Variants in A2ML1 observed in about 807,000 individuals in gnomAD.
A2ML1 encodes alpha-2-macroglobulin-like protein 1.
Under a neutral mutation model 181.9 loss-of-function variants are expected in A2ML1, and 161 were observed. The observed-to-expected ratio is 0.89, with a 90% CI of 0.78 to 1.01. A2ML1 has a LOEUF of 1.01. Ranked by LOEUF, A2ML1 falls within the 50% of genes least tolerant of loss-of-function variation. A2ML1 has a pLI of 0.00. For synonymous variants in A2ML1, 663 were observed against 666.8 expected (o/e 0.99, Z 0.09); for missense variants, 1,670 against 1,768.1 (o/e 0.94, Z 1.00).
At chr12:8,850,464 TTGGAAGGCTGAGG>T (rs1273073226) in intron 18 of A2ML1, among the ~76,000 whole-genome samples, 190 bp downstream of exon 18, 1 of 152,068 alleles carries the variant, frequency 6.6e-6, no homozygotes, top group Admixed American at 6.6e-5. Context: ...TGTGTCCTAC[TTGGAAGGCTGAGG>T]TGGAAGGATC....
intron 29 of A2ML1, among the ~76,000 whole-genome samples, chr12:8,866,388 C>T (rs1339685199): frequency 1.4e-5 from 2 of 146,934 alleles, no homozygotes; most frequent in Non-Finnish European, 3.0e-5. Flanking sequence ...TTATATGGTA[C>T]TATGCCTCCC....
chr12:8,873,514 T>C (rs1944698493), intron 33 of A2ML1, among the ~76,000 whole-genome samples: 1 of 152,128 alleles, frequency 6.6e-6, no homozygotes, highest in Admixed American at 6.6e-5. Context: ...ATGAAAACAA[T>C]AGATATGATA....
intron 2 of A2ML1, 74 bp from the exon 3 acceptor site, chr12:8,823,646 C>T: frequency 6.6e-7 from 1 of 1,506,770 alleles, no homozygotes; most frequent in Non-Finnish European, 9.0e-7. Flanking sequence ...CTTTAACTCA[C>T]TGTTGGGTTG....
intron 23 of A2ML1, among the ~76,000 whole-genome samples, chr12:8,856,437 A>G (rs1374906893): frequency 6.6e-6 from 1 of 152,218 alleles, no homozygotes; most frequent in East Asian, 1.9e-4. Flanking sequence ...GGACACATTT[A>G]TAGATTGAAT....
At position 8,875,119 on chromosome 12, in the gene A2ML1, C is replaced by T. The variant is rs11047727; in HGVS notation, c.*1+107C>T. On this transcript the variant is annotated intron_variant, in intron 35 of 35. Transcript: ENST00000299698. ...TGTCTTTTTTTGAGATAGAGTCTCG[C>T]GGTGTTGCCCAGGCTGGAGGGCAGT... The T allele has an allele frequency of 2.3e-3, 2,835 of 1,254,326 alleles. 48 individuals are homozygous for T. In the African/African-American group the frequency reaches 0.035, roughly 16 times the overall value. 77.7% of individuals were successfully genotyped at this position (1,254,326 alleles called of 1,614,324 possible).
intron 8 of A2ML1, 53 bp downstream of exon 8, chr12:8,837,619 C>T (rs916463805): frequency 3.2e-6 from 5 of 1,554,598 alleles, no homozygotes; most frequent in Admixed American, 1.8e-5. Context: ...CGGTGGCTCA[C>T]GCCTGTCATC....
At chr12:8,857,426 C>T in intron 24 of A2ML1, 81 bp from the exon 25 acceptor site, 3 of 1,607,424 alleles carry the variant, frequency 1.9e-6, no homozygotes, top group East Asian at 2.2e-5. Context: ...TCCAGCCCCT[C>T]AAGTGTCCCA....
intron 21 of A2ML1, 56 bp downstream of exon 21, chr12:8,854,305 G>A (rs759287868): frequency 8.5e-6 from 13 of 1,524,836 alleles, no homozygotes; most frequent in Admixed American, 2.0e-5. Context: ...TCAGCATCTC[G>A]TCTTGCTGTG....
rs1438697642 is a variant in A2ML1 at position 8,868,225 on chromosome 12, A to G, written c.3934-5A>G. On this transcript the variant is annotated splice_region_variant and splice_polypyrimidine_tract_variant and intron_variant, in intron 30 of 35. Coordinates refer to ENST00000299698, the MANE Select transcript of A2ML1 (RefSeq NM_144670.6). ...CTGATTTGGCTACCTATTTCTTCCTACCAGACGGTGTTGAGATACAATATT... is the reference window on the plus strand; with the variant it reads ...CTGATTTGGCTACCTATTTCTTCCTGCCAGACGGTGTTGAGATACAATATT... The G allele has an allele frequency of 3.7e-6, 6 of 1,613,916 alleles. No homozygotes were observed. In the East Asian group the frequency reaches 8.9e-5, roughly 24 times the overall value.
rs937615221 is a variant in A2ML1, at chr12:8,876,676, A to C, written c.*620A>C. ...CAATGAGGCAAGACCCTGTCTCAAA[A>C]AATAATAAATAATAATAATAATAAT... On this transcript the variant is annotated 3_prime_UTR_variant, in exon 36 of 36. Coordinates refer to ENST00000299698, the MANE Select transcript of A2ML1 (RefSeq NM_144670.6). 3 of 152,172 alleles carry C rather than the reference A, an allele frequency of 2.0e-5. No individual in the cohort carries two copies. Among genetic ancestry groups the C allele is most frequent in the Non-Finnish European group, 2.9e-5 (2 of 68,022 alleles). 9.4% of individuals were successfully genotyped at this position (152,172 alleles called of 1,614,324 possible). A position where few individuals can be genotyped will look rare whatever the true frequency, so the allele number is the denominator to read the frequency against.
In A2ML1 at chr12:8,839,313, G is replaced by A. The variant is rs778217145; in HGVS notation, c.1080+91G>A. 1.6e-5 allele frequency: 13 copies of A among 822,290 alleles called. No homozygotes were observed. In the African/African-American group the frequency reaches 1.9e-4, roughly 12 times the overall value. 50.9% of individuals were successfully genotyped at this position (822,290 alleles called of 1,614,324 possible). On this transcript the variant is annotated intron_variant, in intron 10 of 35. Transcript: ENST00000299698. ...CAGCCATAGCCACATAGCTAACTTAGTGCTGTTCCAAGTACTTTATGTGTA... is the reference window on the plus strand; with the variant it reads ...CAGCCATAGCCACATAGCTAACTTAATGCTGTTCCAAGTACTTTATGTGTA...
Position 8,829,723 on chromosome 12 carries a change from C to A in A2ML1, c.410-4C>A. 1.2e-6 allele frequency: 2 copies of A among 1,613,252 alleles called. No homozygotes were observed. Among genetic ancestry groups the A allele is most frequent in the Non-Finnish European group, 1.7e-6 (2 of 1,179,622 alleles). Reference sequence around the variant, plus strand: ...CTTTGCTAATGATGCCTGTTCCTTTCCAGTGTATTTCCGCATTGTCACCAT... The same window carrying A: ...CTTTGCTAATGATGCCTGTTCCTTTACAGTGTATTTCCGCATTGTCACCAT... On this transcript the variant is annotated splice_polypyrimidine_tract_variant and splice_region_variant and intron_variant, in intron 3 of 35. Transcript: ENST00000299698.
rs193079087 is a variant in A2ML1 at position 8,823,207 on chromosome 12, C to G, written c.88C>G (p.Arg30Gly). The G allele has an allele frequency of 3.1e-6, 5 of 1,613,762 alleles. No individual in the cohort carries two copies. The Admixed American group carries it at 6.7e-5, about 22-fold the overall frequency. Residue 30 changes from arginine (R) to glycine (G), a missense_variant, in exon 2 of 36, where the codon CGG becomes GGG. Transcript: ENST00000299698. Reference protein sequence around the residue: ...LPNYLVTLPARLNFPSVQKVC... With the variant: ...LPNYLVTLPAGLNFPSVQKVC... The stretch of plus-strand genomic sequence containing the variant: ...AAACTACCTGGTGACATTACCAGCC[C>G]GGCTAAATTTCCCCTCCGTTCAGAA...
chr12:8,857,518 G>T lies in A2ML1; in HGVS notation c.3037G>T (p.Glu1013Ter), dbSNP rs1228315173. ...VGFLEIGYQK[E>*]LMYKHSNGSY... The stretch of plus-strand genomic sequence containing the variant: ...ATTTGGCTTCCCAGGGTACCAGAAG[G>T]AGCTGATGTACAAACACAGCAATGG... Residue 1013 changes from glutamate (E) to a stop codon, truncating the protein, a stop_gained, in exon 25 of 36, where the codon GAG becomes TAG. Transcript: ENST00000299698. LOFTEE classifies it high-confidence loss of function. 1.9e-6 allele frequency: 3 copies of T among 1,611,786 alleles called. No individual in the cohort carries two copies. The African/African-American group carries it at 4.0e-5, about 22-fold the overall frequency.
chr12:8,827,727 T>A (rs984964161), intron 3 of A2ML1, among the ~76,000 whole-genome samples: 7 of 152,200 alleles, frequency 4.6e-5, no homozygotes, highest in African/African-American at 1.7e-4. Context: ...GACTTGTTTG[T>A]ACCTGTCCTC....
At chr12:8,828,984 A>G (rs755466864) in intron 3 of A2ML1, among the ~76,000 whole-genome samples, 1 of 152,284 alleles carries the variant, frequency 6.6e-6, no homozygotes, top group African/African-American at 2.4e-5. Context: ...CCTCAAGCTC[A>G]TCGATTCTGT....
At chr12:8,847,804 TGCCATAAGGCG>T in intron 15 of A2ML1, 106 bp downstream of exon 15, 1 of 1,408,600 alleles carries the variant, frequency 7.1e-7, no homozygotes, top group Non-Finnish European at 9.5e-7. Flanking sequence ...AATAATGCAC[TGCCATAAGGCG>T]GTAAAAAGGC....
intron 26 of A2ML1, 171 bp downstream of exon 26, chr12:8,858,273 A>C (rs1456257041): frequency 5.4e-6 from 4 of 739,258 alleles, no homozygotes; most frequent in Non-Finnish European, 8.3e-6. Context: ...CTCAGTTTTC[A>C]TGTCTGTAGA....
chr12:8,849,640 T>G, intron 16 of A2ML1, 29 bp from the exon 17 acceptor site: 1 of 1,594,246 alleles, frequency 6.3e-7, no homozygotes. Context: ...AGGGACCACC[T>G]TAATACTTAT....
Sources: gnomAD v4.1 joint callset for allele counts (sites outside exome capture counted in the v4.1 genomes callset) on GRCh38, gnomAD v4.1.1 for gene constraint, MANE v1.5 for transcripts, NCBI Gene and HGNC (gene_info 2026-07-23, HGNC 2026-07-21) for gene names.